MSR1: variants seen among roughly 807,000 people sequenced by gnomAD.
The protein encoded by MSR1 is macrophage scavenger receptor 1, also known as macrophage scavenger receptor types I and II.
MSR1 carries 53 observed loss-of-function variants against 47.2 expected under a neutral mutation model. The ratio of observed to expected loss-of-function variants is 1.12; its 90% CI spans 0.90 to 1.41. The LOEUF is 1.41. Among genes scored for constraint, MSR1 ranks in the 40% most tolerant of loss-of-function variants. The pLI is 0.00. For missense variants in MSR1, 786 were observed against 546.9 expected (o/e 1.44, Z -4.36); for synonymous variants, 239 against 185.6 (o/e 1.29, Z -2.34).
intron 8 of MSR1, among the ~76,000 whole-genome samples, chr8:16,128,926 G>C (rs1286151540): frequency 1.3e-5 from 2 of 152,120 alleles, no homozygotes; most frequent in Non-Finnish European, 2.9e-5. Context: ...GATTGATAAA[G>C]CACATGTCCT....
rs1422384725 is a variant in MSR1 at position 16,112,525 on chromosome 8, A to G, written c.1223-2307T>C. ...TATATTAATATATTCAAGACTATTG[A>G]GCCCAGGGGAAAAATTTATTTAATA... On this transcript the variant is annotated intron_variant, in intron 9 of 9. Transcript: ENST00000262101. Among the ~76,000 whole-genome samples, 5 of 152,284 alleles carry G rather than the reference A, an allele frequency of 3.3e-5. No homozygotes were observed. The South Asian group carries it at 6.2e-4, about 19-fold the overall frequency.
Position 16,185,846 on chromosome 8 carries a change from GA to G in MSR1, c.-5+6751del, listed in dbSNP as rs77751924. ...AACAGTAGAAGATACCTTTTTTCAG[GA>G]AAAAAAAAAAAAAACACCACACACA... is the stretch of plus-strand genomic sequence containing the variant. On this transcript the variant is annotated intron_variant, in intron 1 of 9. Transcript: ENST00000262101. 6.7e-3 allele frequency among the ~76,000 whole-genome samples: 837 copies of G among 125,298 alleles called. 1 individual carries two copies. Among genetic ancestry groups the G allele is most frequent in the East Asian group, 0.017 (76 of 4,564 alleles). The allele number at this position is 125,298 out of a possible 152,430, so 82.2% of individuals were successfully genotyped here. A position where few individuals can be genotyped will look rare whatever the true frequency, so the allele number is the denominator to read the frequency against.
chr8:16,166,133 C>A (rs1347116007), intron 4 of MSR1, among the ~76,000 whole-genome samples: 1 of 148,052 alleles, frequency 6.8e-6, no homozygotes, highest in Admixed American at 6.7e-5. Flanking sequence ...GGTTTTTCAT[C>A]ATACCTAAAA....
At chr8:16,138,910 T>C (rs1585151520) in intron 8 of MSR1, among the ~76,000 whole-genome samples, 1 of 152,202 alleles carries the variant, frequency 6.6e-6, no homozygotes, top group African/African-American at 2.4e-5. Flanking sequence ...TCTAACTTGT[T>C]TCAACCTTTC....
intron 1 of MSR1, among the ~76,000 whole-genome samples, chr8:16,188,833 ACAT>A (rs929724457): frequency 1.3e-5 from 2 of 151,876 alleles, no homozygotes; most frequent in Non-Finnish European, 2.9e-5. Context: ...CCTGCAAAGG[ACAT>A]CAACTCATCT....
chr8:16,153,559 C>T (rs1360488147), intron 6 of MSR1, among the ~76,000 whole-genome samples: 1 of 150,008 alleles, frequency 6.7e-6, no homozygotes, highest in Admixed American at 6.7e-5. Context: ...CGTTAATTTA[C>T]AATAAAAAAA....
chr8:16,130,140 A>G (rs1800222489), intron 8 of MSR1, among the ~76,000 whole-genome samples: 1 of 152,188 alleles, frequency 6.6e-6, no homozygotes. Context: ...ACTAAGCAGG[A>G]CAAGTGCTAA....
At chr8:16,190,984 G>T (rs146493443) in intron 1 of MSR1, among the ~76,000 whole-genome samples, 1 of 152,152 alleles carries the variant, frequency 6.6e-6, no homozygotes, top group Admixed American at 6.6e-5. Flanking sequence ...GCCTCCCAAA[G>T]TGCTGGGATT....
At chr8:16,168,369 G>A (rs1801377527) in intron 4 of MSR1, 89 bp downstream of exon 4, 2 of 1,351,304 alleles carry the variant, frequency 1.5e-6, no homozygotes, top group South Asian at 2.4e-5. Flanking sequence ...AACAGGGTTT[G>A]CAACTTTTGC....
chr8:16,130,886 G>A (rs139510085), intron 8 of MSR1, among the ~76,000 whole-genome samples: 9 of 152,096 alleles, frequency 5.9e-5, no homozygotes, highest in African/African-American at 1.9e-4. Context: ...TACCAATGAT[G>A]GGCATTTAGG....
intron 1 of MSR1, among the ~76,000 whole-genome samples, chr8:16,180,495 G>C (rs925772869): frequency 2.0e-5 from 3 of 152,144 alleles, no homozygotes; most frequent in Non-Finnish European, 2.9e-5. Context: ...AGGTGATTAT[G>C]ACTTCTTTTG....
chr8:16,112,701 C>G (rs1182698126), intron 9 of MSR1, among the ~76,000 whole-genome samples: 1 of 151,838 alleles, frequency 6.6e-6, no homozygotes, highest in Non-Finnish European at 1.5e-5. Flanking sequence ...ATTCAAGGAT[C>G]TTCGTTGTTG....
At chr8:16,127,457 G>A (rs758525366) in intron 8 of MSR1, among the ~76,000 whole-genome samples, 5 of 152,122 alleles carry the variant, frequency 3.3e-5, no homozygotes, top group Non-Finnish European at 7.4e-5. Context: ...CCTGCATTCT[G>A]AGATTTTTAA....
At chr8:16,119,621 G>T (rs1045598163) in intron 9 of MSR1, among the ~76,000 whole-genome samples, 14 of 152,086 alleles carry the variant, frequency 9.2e-5, no homozygotes, top group African/African-American at 3.4e-4. Context: ...GTGGCATATA[G>T]TCATTACTCA....
rs78762739 is a variant in MSR1, at chr8:16,134,912, C to A, written c.1033+8646G>T. Among the ~76,000 whole-genome samples the A allele has an allele frequency of 7.2e-3, 1,090 of 152,226 alleles. 13 individuals are homozygous for A. The highest frequency in any genetic ancestry group is 0.025 in the African/African-American group (1,028 of 41,542). On this transcript the variant is annotated intron_variant, in intron 8 of 9. Coordinates refer to ENST00000262101, the MANE Select transcript of MSR1 (RefSeq NM_138715.3). ...ACACTCACTTAAGACAAATCCAAGT[C>A]CAGAGCAAGGCTCTACCTCTCTTCA...
intron 1 of MSR1, among the ~76,000 whole-genome samples, chr8:16,187,961 C>A (rs536214900): frequency 6.6e-6 from 1 of 152,076 alleles, no homozygotes; most frequent in Non-Finnish European, 1.5e-5. Context: ...CTTGCATGAG[C>A]CTTCATTAGC....
At chr8:16,181,800 TA>T (rs200928394) in intron 1 of MSR1, among the ~76,000 whole-genome samples, 33,091 of 144,866 alleles carry the variant, frequency 0.23, 4,653 homozygotes, top group East Asian at 0.54. Context: ...AAGTATAATT[TA>T]AAAAAAAAAA....
chr8:16,148,371 C>G (rs1800756132), intron 7 of MSR1, among the ~76,000 whole-genome samples: 1 of 152,072 alleles, frequency 6.6e-6, no homozygotes, highest in Non-Finnish European at 1.5e-5. Context: ...ATAGGTTTAC[C>G]ATTTGATCCA....
intron 8 of MSR1, among the ~76,000 whole-genome samples, chr8:16,122,392 A>G (rs1269168726): frequency 6.6e-6 from 1 of 152,138 alleles, no homozygotes; most frequent in Non-Finnish European, 1.5e-5. Flanking sequence ...ATACAAGTCA[A>G]ATATATCCAA....
Sources: gnomAD v4.1 joint callset for allele counts (sites outside exome capture counted in the v4.1 genomes callset) on GRCh38, gnomAD v4.1.1 for gene constraint, MANE v1.5 for transcripts, NCBI Gene and HGNC (gene_info 2026-07-23, HGNC 2026-07-21) for gene names.